The following GBE1 variants were observed in gnomAD, a reference collection of about 807,000 sequenced individuals.
GBE1 encodes 1,4-alpha-glucan-branching enzyme.
A neutral mutation model predicts 88.8 loss-of-function variants in GBE1; 70 were observed. That is an observed-to-expected ratio of 0.79 (90% CI 0.65 to 0.96). The LOEUF is 0.96. GBE1 is among the 40% of genes least tolerant of loss of function. The pLI, the probability that GBE1 is intolerant of heterozygous loss-of-function variation, is 0.00. For synonymous variants in GBE1, 284 were observed against 300.1 expected, an observed-to-expected ratio of 0.95 and a Z score of 0.56; for missense variants, 872 against 871.0, an observed-to-expected ratio of 1.00 and a Z score of -0.01.
rs544755437 is a variant in GBE1, at chr3:81,602,280, T to C, written c.993-8257A>G. ...TTATTACATACTATCAGTTCACTAG[T>C]GTAGTCGTTAACATAGGACTTCCTT... On this transcript the variant is annotated intron_variant, in intron 7 of 15. Coordinates refer to ENST00000429644, the MANE Select transcript of GBE1 (RefSeq NM_000158.4). 2.6e-5 allele frequency among the ~76,000 whole-genome samples: 4 copies of C among 152,282 alleles called. No homozygotes were observed. In the South Asian group the frequency reaches 8.3e-4, roughly 32 times the overall value.
At chr3:81,699,013 CAA>C (rs1705645325) in intron 2 of GBE1, among the ~76,000 whole-genome samples, 1 of 151,298 alleles carries the variant, frequency 6.6e-6, no homozygotes, top group African/African-American at 2.4e-5. Context: ...TCACATACGT[CAA>C]AGAGGTCACT....
chr3:81,563,622 C>G (rs1031966565), intron 12 of GBE1, among the ~76,000 whole-genome samples: 1 of 152,038 alleles, frequency 6.6e-6, no homozygotes, highest in Non-Finnish European at 1.5e-5. Context: ...GTGACCTATC[C>G]AGTTCCCTGT....
chr3:81,756,642 C>T (rs1377437572), intron 1 of GBE1, among the ~76,000 whole-genome samples: 1 of 152,136 alleles, frequency 6.6e-6, no homozygotes, highest in Non-Finnish European at 1.5e-5. Context: ...AGGGACCCCT[C>T]AACCAGCCCA....
chr3:81,661,769 G>A (rs1298745639), intron 3 of GBE1, among the ~76,000 whole-genome samples: 1 of 152,044 alleles, frequency 6.6e-6, no homozygotes, highest in South Asian at 2.1e-4. Flanking sequence ...ACAAGTACCA[G>A]TGTTCCAGTA....
Position 81,761,504 on chromosome 3 carries a change from A to T in GBE1, c.14T>A (p.Met5Lys), listed in dbSNP as rs1359193851. Reference protein sequence around the residue: MAAPMTPAARPEDYE... With the variant: MAAPKTPAARPEDYE... Reference sequence around the variant, plus strand: ...GTCCTCGGGCCGAGCCGCGGGAGTCATCGGAGCCGCCATATTCCGCCGCAG... The same window carrying T: ...GTCCTCGGGCCGAGCCGCGGGAGTCTTCGGAGCCGCCATATTCCGCCGCAG... The change falls in exon 1 of 16, where the codon ATG (methionine) becomes AAG (lysine). Residue 5 changes from methionine (M) to lysine (K), a missense_variant. Met to Lys is a moderately conservative substitution (Grantham distance 95, BLOSUM62 -1). Transcript: ENST00000429644. 6.2e-7 allele frequency: 1 copy of T among 1,603,708 alleles called. No individual in the cohort carries two copies. The highest frequency in any genetic ancestry group is 1.3e-5 in the African/African-American group (1 of 74,804).
At chr3:81,754,039 T>G (rs773704263) in intron 1 of GBE1, among the ~76,000 whole-genome samples, 2 of 152,202 alleles carry the variant, frequency 1.3e-5, no homozygotes, top group South Asian at 4.1e-4. Context: ...GCAGACAACA[T>G]GATTATATAC....
At chr3:81,650,850 T>A (rs1479989923) in intron 3 of GBE1, among the ~76,000 whole-genome samples, 1 of 151,652 alleles carries the variant, frequency 6.6e-6, no homozygotes, top group African/African-American at 2.4e-5. Context: ...GGGTCTGGGG[T>A]TTTTTTGTAG....
intron 12 of GBE1, among the ~76,000 whole-genome samples, chr3:81,564,560 T>C (rs1703466269): frequency 6.6e-6 from 1 of 152,154 alleles, no homozygotes; most frequent in African/African-American, 2.4e-5. Flanking sequence ...TTGTAAAAGA[T>C]TTTCTGTATT....
chr3:81,719,171 T>C (rs1384647579), intron 1 of GBE1, among the ~76,000 whole-genome samples: 1 of 152,144 alleles, frequency 6.6e-6, no homozygotes, highest in East Asian at 1.9e-4. Context: ...TCACAAAGTA[T>C]GTTAACTTTT....
intron 7 of GBE1, among the ~76,000 whole-genome samples, chr3:81,634,031 G>A (rs1057228902): frequency 1.3e-5 from 2 of 152,122 alleles, no homozygotes; most frequent in Admixed American, 6.6e-5. Context: ...TTCTCAACAC[G>A]AAAGCAACTG....
At chr3:81,520,668 T>A (rs1466103271) in intron 14 of GBE1, among the ~76,000 whole-genome samples, 1 of 151,568 alleles carries the variant, frequency 6.6e-6, no homozygotes, top group Non-Finnish European at 1.5e-5. Flanking sequence ...ATCAGGAAAA[T>A]GTATTTTATC....
chr3:81,515,501 G>A (rs1407899405), intron 14 of GBE1, among the ~76,000 whole-genome samples: 1 of 151,214 alleles, frequency 6.6e-6, no homozygotes, highest in Non-Finnish European at 1.5e-5. Flanking sequence ...CTTTTCTTGG[G>A]CCTCCGTATT....
chr3:81,681,617 T>C (rs1705343834), intron 2 of GBE1, among the ~76,000 whole-genome samples: 1 of 152,210 alleles, frequency 6.6e-6, no homozygotes. Flanking sequence ...ATGTAACAGA[T>C]AAAAACTCAT....
chr3:81,628,742 CATATATATATATAT>C (rs71108330), intron 7 of GBE1, among the ~76,000 whole-genome samples: 12,261 of 65,490 alleles, frequency 0.19, 1,119 homozygotes, highest in East Asian at 0.33. Context: ...AGAACAATTG[CATATATATATATAT>C]ATATATATAT....
chr3:81,757,583 A>G (rs906373602), intron 1 of GBE1, among the ~76,000 whole-genome samples: 3 of 152,208 alleles, frequency 2.0e-5, no homozygotes, highest in East Asian at 3.9e-4. Flanking sequence ...AGGGGCTACA[A>G]TTGACTAGAC....
intron 1 of GBE1, among the ~76,000 whole-genome samples, chr3:81,720,719 C>T (rs1215379276): frequency 6.6e-6 from 1 of 152,000 alleles, no homozygotes; most frequent in Non-Finnish European, 1.5e-5. Flanking sequence ...CATAATGCTA[C>T]AAGCAGATTT....
intron 15 of GBE1, 122 bp from the exon 16 acceptor site, chr3:81,490,585 T>A: frequency 1.3e-6 from 1 of 798,480 alleles, no homozygotes; most frequent in East Asian, 2.6e-5. Context: ...ACCTTTACAA[T>A]TTTACAAGCT....
chr3:81,686,423 A>C (rs1705440956), intron 2 of GBE1, among the ~76,000 whole-genome samples: 1 of 152,138 alleles, frequency 6.6e-6, no homozygotes. Flanking sequence ...TTATTGCAAA[A>C]GAAGGATGTA....
chr3:81,602,892 A>G (rs1704051997), intron 7 of GBE1, among the ~76,000 whole-genome samples: 1 of 152,172 alleles, frequency 6.6e-6, no homozygotes, highest in South Asian at 2.1e-4. Context: ...ACACATATCT[A>G]GAAACTTCTC....
Sources: allele counts gnomAD v4.1 joint callset (sites outside exome capture counted in the v4.1 genomes callset), GRCh38; gene constraint gnomAD v4.1.1; transcripts MANE v1.5; gene names NCBI Gene and HGNC (gene_info 2026-07-23, HGNC 2026-07-21).